RHOJ: variants seen among roughly 807,000 people sequenced by gnomAD.
The protein encoded by RHOJ is rho-related GTP-binding protein RhoJ.
In RHOJ, 11 loss-of-function variants were observed where a neutral mutation model predicts 23.4. The ratio of observed to expected loss-of-function variants is 0.47; its 90% CI spans 0.30 to 0.78. The LOEUF (loss-of-function observed/expected upper bound fraction) is 0.78, where lower values mean the gene tolerates loss of function less well. RHOJ is among the 30% of genes least tolerant of loss of function. RHOJ has a pLI of 0.08. For missense variants in RHOJ, 254 were observed against 273.4 expected (o/e 0.93, Z 0.50); for synonymous variants, 102 against 102.7 (o/e 0.99, Z 0.04).
chr14:63,248,451 T>C (rs1302761789), intron 1 of RHOJ, among the ~76,000 whole-genome samples: 3 of 152,204 alleles, frequency 2.0e-5, no homozygotes, highest in African/African-American at 4.8e-5. Flanking sequence ...TTATTTATTA[T>C]AGCTCTTTTC....
intron 1 of RHOJ, among the ~76,000 whole-genome samples, chr14:63,260,877 C>T (rs1895260177): frequency 6.6e-6 from 1 of 151,854 alleles, no homozygotes; most frequent in African/African-American, 2.4e-5. Flanking sequence ...CAAATGCCCT[C>T]TTGATATAAA....
intron 3 of RHOJ, among the ~76,000 whole-genome samples, chr14:63,282,003 T>G (rs1206501679): frequency 6.6e-6 from 1 of 152,178 alleles, no homozygotes; most frequent in Non-Finnish European, 1.5e-5. Flanking sequence ...GAAGAAGATA[T>G]GGACAGGTAC....
intron 1 of RHOJ, among the ~76,000 whole-genome samples, chr14:63,215,478 C>T (rs756470172): frequency 1.3e-5 from 2 of 152,198 alleles, no homozygotes; most frequent in Admixed American, 6.5e-5. Context: ...CTTTTTGCAG[C>T]AAGTTACTTA....
chr14:63,283,229 T>A lies in RHOJ; in HGVS notation c.498+13T>A. 6.3e-7 allele frequency: 1 copy of A among 1,594,218 alleles called. No homozygotes were observed. The highest frequency in any genetic ancestry group is 8.6e-7 in the Non-Finnish European group (1 of 1,162,398). On this transcript the variant is annotated intron_variant, in intron 4 of 4. Transcript: ENST00000316754. ...GCTCGCAAAAGCGGTACAGTCAGAT[T>A]TGAATTTCATTTTAAATGTATGCTG... is the stretch of plus-strand genomic sequence containing the variant.
At chr14:63,288,383 T>C in intron 4 of RHOJ, 1 of 966,382 alleles carries the variant, frequency 1.0e-6, no homozygotes, top group Non-Finnish European at 1.2e-6. Flanking sequence ...CTTGGGATCC[T>C]TAGTGGAGAG....
intron 1 of RHOJ, among the ~76,000 whole-genome samples, chr14:63,262,729 C>G (rs1053044462): frequency 1.3e-5 from 2 of 152,230 alleles, no homozygotes; most frequent in East Asian, 3.8e-4. Context: ...TATTCTGCCC[C>G]TGGTGCTGTA....
intron 1 of RHOJ, among the ~76,000 whole-genome samples, chr14:63,217,748 C>G (rs1894397328): frequency 6.6e-6 from 1 of 152,106 alleles, no homozygotes; most frequent in South Asian, 2.1e-4. Context: ...TCAGAGTGAA[C>G]AGGCAACCTA....
chr14:63,215,147 A>C (rs1894326960), intron 1 of RHOJ, among the ~76,000 whole-genome samples: 1 of 152,164 alleles, frequency 6.6e-6, no homozygotes, highest in Non-Finnish European at 1.5e-5. Flanking sequence ...CATTTGGGGA[A>C]AAGGAAAGAA....
intron 2 of RHOJ, among the ~76,000 whole-genome samples, chr14:63,274,607 A>G (rs1370580570): frequency 6.6e-6 from 1 of 152,196 alleles, no homozygotes; most frequent in East Asian, 1.9e-4. Context: ...GGACTCTTTT[A>G]CTGGATCATT....
At chr14:63,273,468 A>G (rs184157647) in intron 2 of RHOJ, among the ~76,000 whole-genome samples, 2 of 152,314 alleles carry the variant, frequency 1.3e-5, no homozygotes, top group East Asian at 3.9e-4. Flanking sequence ...CAGTTTGTTT[A>G]CAATGCTTCA....
rs777733696 is a variant in RHOJ, at chr14:63,283,123, T to G, written c.405T>G (p.Ile135Met). Residue 135 changes from isoleucine to methionine, a missense_variant and splice_region_variant, in exon 4 of 5, where the codon ATT becomes ATG. By Grantham distance (10) the Ile-to-Met change is conservative. Transcript: ENST00000316754. ...HVPYVLIGTQ[I>M]DLRDDPKTLA... ...TTTCACGTGTGTTTTCTTGCCAGATTGATCTCCGTGATGACCCAAAAACCT... is the reference window on the plus strand; with the variant it reads ...TTTCACGTGTGTTTTCTTGCCAGATGGATCTCCGTGATGACCCAAAAACCT... 1 of 1,613,046 alleles carries G rather than the reference T, an allele frequency of 6.2e-7. No individual in the cohort carries two copies. Among genetic ancestry groups the G allele is most frequent in the Non-Finnish European group, 8.5e-7 (1 of 1,179,014 alleles).
At chr14:63,262,436 T>C (rs1370830250) in intron 1 of RHOJ, among the ~76,000 whole-genome samples, 1 of 152,110 alleles carries the variant, frequency 6.6e-6, no homozygotes, top group Admixed American at 6.5e-5. Flanking sequence ...GTTTAATGGA[T>C]TTGGGGGAAA....
chr14:63,285,255 G>A (rs980585012), intron 4 of RHOJ, among the ~76,000 whole-genome samples: 1 of 152,150 alleles, frequency 6.6e-6, no homozygotes, highest in Non-Finnish European at 1.5e-5. Context: ...GGCTCAGAGA[G>A]GTTAAGATCG....
chr14:63,270,871 G>A (rs946977546), intron 2 of RHOJ, among the ~76,000 whole-genome samples: 38 of 152,198 alleles, frequency 2.5e-4, no homozygotes, highest in African/African-American at 8.9e-4. Context: ...CTCTTCTGCA[G>A]CAATCCAACA....
In RHOJ at chr14:63,291,631, G is replaced by A. The variant is rs1012900994; in HGVS notation, c.*607G>A. 9.6e-5 allele frequency: 15 copies of A among 156,752 alleles called. No homozygotes were observed. The highest frequency in any genetic ancestry group is 1.8e-4 in the Non-Finnish European group (13 of 70,360). The allele number at this position is 156,752 out of a possible 1,614,324, so 9.7% of individuals were successfully genotyped here. A position where few individuals can be genotyped will look rare whatever the true frequency, so the allele number is the denominator to read the frequency against. On this transcript the variant is annotated 3_prime_UTR_variant, in exon 5 of 5. Transcript: ENST00000316754. ...CTACCAAAGCTATTAGAACCAACAC[G>A]TACCTCTGAATGCCCGATTATAAGA...
At chr14:63,234,263 G>A (rs1013198056) in intron 1 of RHOJ, among the ~76,000 whole-genome samples, 2 of 152,162 alleles carry the variant, frequency 1.3e-5, no homozygotes, top group Admixed American at 6.5e-5. Flanking sequence ...CAAGCATATA[G>A]TACCTTATCT....
At chr14:63,282,687 A>C (rs979906581) in intron 3 of RHOJ, among the ~76,000 whole-genome samples, 4 of 152,038 alleles carry the variant, frequency 2.6e-5, no homozygotes, top group Non-Finnish European at 5.9e-5. Flanking sequence ...AAAGCGAAAA[A>C]AAAAAAAAAA....
At chr14:63,283,513 G>A (rs528173356) in intron 4 of RHOJ, among the ~76,000 whole-genome samples, 13 of 152,302 alleles carry the variant, frequency 8.5e-5, no homozygotes, top group African/African-American at 3.1e-4. Context: ...GCCATATTTA[G>A]TATGAATATA....
In RHOJ at chr14:63,266,388, A is replaced by G. The variant is rs573707855; in HGVS notation, c.179-2722A>G. 9.9e-5 allele frequency among the ~76,000 whole-genome samples: 15 copies of G among 152,254 alleles called. No individual in the cohort carries two copies. The South Asian group carries it at 3.1e-3, about 32-fold the overall frequency. On this transcript the variant is annotated intron_variant, in intron 1 of 4. Coordinates refer to ENST00000316754, the MANE Select transcript of RHOJ (RefSeq NM_020663.5). ...CCCGCTTCCCATCATAGCCTGAACT[A>G]GTTTTTCAGGTTTACTTTGGAATGC...
Sources: gnomAD v4.1 joint callset for allele counts (sites outside exome capture counted in the v4.1 genomes callset) on GRCh38, gnomAD v4.1.1 for gene constraint, MANE v1.5 for transcripts, NCBI Gene and HGNC (gene_info 2026-07-23, HGNC 2026-07-21) for gene names.